EPC2: variants seen among roughly 807,000 people sequenced by gnomAD.
EPC2 encodes the protein enhancer of polycomb homolog 2.
EPC2 carries 14 observed loss-of-function variants against 92.1 expected under a neutral mutation model. The ratio of observed to expected loss-of-function variants is 0.15; its 90% CI spans 0.10 to 0.24. The LOEUF (loss-of-function observed/expected upper bound fraction) is 0.24. Among genes scored for constraint, EPC2 ranks in the 10% least tolerant of loss-of-function variants. EPC2 has a pLI of 1.00. For synonymous variants in EPC2, 340 were observed against 334.7 expected (o/e 1.02, Z -0.17); for missense variants, 755 against 971.5 (o/e 0.78, Z 2.96).
At chr2:148,695,206 A>G (rs1162296019) in intron 2 of EPC2, among the ~76,000 whole-genome samples, 1 of 152,230 alleles carries the variant, frequency 6.6e-6, no homozygotes, top group East Asian at 1.9e-4. Flanking sequence ...TCATTCCCTT[A>G]GTCTTACAAA....
At chr2:148,719,034 A>G (rs1036964205) in intron 2 of EPC2, among the ~76,000 whole-genome samples, 3 of 151,788 alleles carry the variant, frequency 2.0e-5, no homozygotes, top group Non-Finnish European at 4.4e-5. Flanking sequence ...CTGTTCTTCT[A>G]TTAATATTTA....
At chr2:148,716,064 C>T (rs575394945) in intron 2 of EPC2, among the ~76,000 whole-genome samples, 25 of 152,240 alleles carry the variant, frequency 1.6e-4, no homozygotes, top group Admixed American at 1.6e-3. Flanking sequence ...AATTTTTGAA[C>T]ATTGATTTTC....
intron 1 of EPC2, among the ~76,000 whole-genome samples, chr2:148,689,560 C>T (rs1681602621): frequency 6.6e-6 from 1 of 151,930 alleles, no homozygotes; most frequent in Admixed American, 6.6e-5. Context: ...GATTTACCTT[C>T]CAAAAGGTAA....
At chr2:148,718,468 A>G (rs1165459204) in intron 2 of EPC2, among the ~76,000 whole-genome samples, 1 of 152,170 alleles carries the variant, frequency 6.6e-6, no homozygotes, top group African/African-American at 2.4e-5. Flanking sequence ...CTTGTCTGAA[A>G]AGGATCTTAT....
chr2:148,653,491 A>G (rs192745781), intron 1 of EPC2, among the ~76,000 whole-genome samples: 12 of 152,322 alleles, frequency 7.9e-5, no homozygotes, highest in South Asian at 2.1e-4. Context: ...TACATATTCT[A>G]TCATGCAGAA....
At chr2:148,699,964 G>A (rs565222144) in intron 2 of EPC2, among the ~76,000 whole-genome samples, 24 of 152,190 alleles carry the variant, frequency 1.6e-4, no homozygotes, top group South Asian at 1.0e-3. Context: ...GTAATTTGCC[G>A]TTCCCTGATA....
At chr2:148,693,121 G>A (rs1431621536) in intron 2 of EPC2, among the ~76,000 whole-genome samples, 2 of 152,016 alleles carry the variant, frequency 1.3e-5, no homozygotes, top group African/African-American at 4.8e-5. Context: ...ACTCATTACT[G>A]ATTTTTTCCA....
At chr2:148,704,265 A>C (rs1190040824) in intron 2 of EPC2, among the ~76,000 whole-genome samples, 1 of 152,282 alleles carries the variant, frequency 6.6e-6, no homozygotes. Flanking sequence ...AACCTGAGAC[A>C]TTGGCCAAGT....
At chr2:148,751,187 C>A (rs1683077314) in intron 3 of EPC2, among the ~76,000 whole-genome samples, 3 of 152,004 alleles carry the variant, frequency 2.0e-5, no homozygotes, top group Admixed American at 2.0e-4. Flanking sequence ...AATTAAATTA[C>A]TGCTTAACTC....
At chr2:148,705,519 ACCT>A (rs762095583) in intron 2 of EPC2, among the ~76,000 whole-genome samples, 29 of 151,968 alleles carry the variant, frequency 1.9e-4, no homozygotes, top group Non-Finnish European at 4.0e-4. Context: ...TGGACAGACC[ACCT>A]CCTCAAGTGG....
intron 1 of EPC2, among the ~76,000 whole-genome samples, chr2:148,687,828 T>C (rs1382278859): frequency 3.9e-5 from 6 of 152,212 alleles, no homozygotes; most frequent in Admixed American, 2.6e-4. Context: ...CTGCTTTCTT[T>C]AACGGTAATT....
At chr2:148,763,862 T>G (rs1683352684) in intron 6 of EPC2, among the ~76,000 whole-genome samples, 1 of 152,226 alleles carries the variant, frequency 6.6e-6, no homozygotes, top group South Asian at 2.1e-4. Flanking sequence ...TATGAAAATC[T>G]TAACCCAGAA....
intron 2 of EPC2, among the ~76,000 whole-genome samples, chr2:148,709,744 GA>G (rs1466261921): frequency 1.3e-5 from 2 of 152,158 alleles, no homozygotes; most frequent in African/African-American, 2.4e-5. Flanking sequence ...AAGCAATGGG[GA>G]AAAGGATTCC....
rs1683470317 is a variant in EPC2 at position 148,769,197 on chromosome 2, G to T, written c.1187G>T (p.Gly396Val). 1 of 1,612,802 alleles carries T rather than the reference G, an allele frequency of 6.2e-7. No homozygotes were observed. The highest frequency in any genetic ancestry group is 8.5e-7 in the Non-Finnish European group (1 of 1,179,452). Reference sequence around the variant, plus strand: ...CCGGAAGAAGAAAATGATCCTGATGGTCCCTGTGCTTTCAGAAGGCGGGCA... The same window carrying T: ...CCGGAAGAAGAAAATGATCCTGATGTTCCCTGTGCTTTCAGAAGGCGGGCA... Reference protein sequence around the residue: ...SEPEEENDPDGPCAFRRRAGC... With the variant: ...SEPEEENDPDVPCAFRRRAGC... The change falls in exon 8 of 14, where the codon GGT (glycine) becomes GTT (valine). Residue 396 changes from glycine to valine, a missense_variant. Gly to Val is a moderately radical substitution (Grantham distance 109). Transcript: ENST00000258484.
Position 148,786,489 on chromosome 2 carries a change from G to T in EPC2, c.*112G>T. ...CAGAGTGTAACAATGGACCTAAATG[G>T]ACTATAGTATATTGGATGTTAAATC... On this transcript the variant is annotated 3_prime_UTR_variant, in exon 14 of 14. Coordinates refer to ENST00000258484, the MANE Select transcript of EPC2 (RefSeq NM_015630.4). The T allele has an allele frequency of 1.3e-6, 1 of 796,640 alleles. No homozygotes were observed. Among genetic ancestry groups the T allele is most frequent in the Non-Finnish European group, 2.1e-6 (1 of 480,590 alleles). 49.3% of individuals were successfully genotyped at this position (796,640 alleles called of 1,614,324 possible). A position where few individuals can be genotyped will look rare whatever the true frequency, so the allele number is the denominator to read the frequency against.
At chr2:148,783,380 A>G (rs1036934654) in intron 11 of EPC2, among the ~76,000 whole-genome samples, 1 of 152,150 alleles carries the variant, frequency 6.6e-6, no homozygotes, top group African/African-American at 2.4e-5. Context: ...TGGGTTATTT[A>G]ATCTCTAGTT....
intron 2 of EPC2, among the ~76,000 whole-genome samples, chr2:148,730,649 C>T (rs761484450): frequency 2.1e-4 from 32 of 152,160 alleles, no homozygotes; most frequent in Non-Finnish European, 4.3e-4. Context: ...TACAGGCTTT[C>T]GTGATACTTA....
In EPC2 at chr2:148,771,376, A is replaced by G. The variant is rs1234185945; in HGVS notation, c.1709A>G (p.Asn570Ser). Residue 570 changes from asparagine (N) to serine (S), a missense_variant, in exon 10 of 14, where the codon AAT (asparagine) becomes AGT (serine). By Grantham distance (46) the Asn-to-Ser change is conservative. Around this residue, in one of 4 missense-constraint regions of EPC2, gnomAD observed 509 missense variants for 607.7 expected, o/e 0.84. Transcript: ENST00000258484. ...ASVALLNTSKNGISVTGGITE... is the reference protein window; with the variant it reads ...ASVALLNTSKSGISVTGGITE... ...GTAGCTTTATTGAACACCAGCAAGA[A>G]TGGCATATCAGGTAAGCTGTTGCTG... is the stretch of plus-strand genomic sequence containing the variant. The G allele has an allele frequency of 6.3e-7, 1 of 1,596,334 alleles. No homozygotes were observed. The highest frequency in any genetic ancestry group is 1.1e-5 in the South Asian group (1 of 87,328).
At position 148,776,846 on chromosome 2, in the gene EPC2, G is replaced by GTCTC. The variant is rs1553451213; in HGVS notation, c.1721-4790_1721-4787dup. On this transcript the variant is annotated intron_variant, in intron 10 of 13. Coordinates refer to ENST00000258484, the MANE Select transcript of EPC2 (RefSeq NM_015630.4). ...AGCCTGGGCAACATAGCAAGACCCT[G>GTCTC]TCTCTCTCTCTTTTTTTTTTTTTTT... is the stretch of plus-strand genomic sequence containing the variant. 9.2e-3 allele frequency among the ~76,000 whole-genome samples: 1,184 copies of GTCTC among 129,124 alleles called. 57 individuals carry two copies. The highest frequency in any genetic ancestry group is 0.031 in the African/African-American group (1,111 of 35,552). The allele number at this position is 129,124 out of a possible 152,430, so 84.7% of individuals were successfully genotyped here.
Sources: allele counts gnomAD v4.1 joint callset (sites outside exome capture counted in the v4.1 genomes callset), GRCh38; gene constraint gnomAD v4.1.1; regional missense constraint gnomAD v4.1.1; transcripts MANE v1.5; gene names NCBI Gene and HGNC (gene_info 2026-07-23, HGNC 2026-07-21).